Variants in DDI2 observed in about 807,000 individuals in gnomAD.
The protein encoded by DDI2 is protein DDI1 homolog 2.
DDI2 carries 5 observed loss-of-function variants against 48.1 expected under a neutral mutation model. The observed-to-expected ratio is 0.10, with a 90% CI of 0.05 to 0.22. The LOEUF (loss-of-function observed/expected upper bound fraction) is 0.22, where lower values mean the gene tolerates loss of function less well. DDI2 is among the 10% of genes least tolerant of loss of function. The pLI is 1.00. For synonymous variants in DDI2, 205 were observed against 183.6 expected, an observed-to-expected ratio of 1.12 and a Z score of -0.94; for missense variants, 285 against 506.2, an observed-to-expected ratio of 0.56 and a Z score of 4.19.
chr1:15,617,604 C>T lies in DDI2; in HGVS notation c.-67C>T. 1 of 1,250,256 alleles carries T rather than the reference C, an allele frequency of 8.0e-7. No individual in the cohort carries two copies. Among genetic ancestry groups the T allele is most frequent in the African/African-American group, 1.6e-5 (1 of 64,044 alleles). 77.4% of individuals were successfully genotyped at this position (1,250,256 alleles called of 1,614,324 possible). ...CGCAGCACCAGCCAGGCCACGCCGC[C>T]GCCTCTTCCCCTGCGCCCCGCGCCC... On this transcript the variant is annotated 5_prime_UTR_variant, in exon 1 of 10. Transcript: ENST00000480945.
At chr1:15,654,841 A>G (rs1640247380) in intron 8 of DDI2, among the ~76,000 whole-genome samples, 1 of 152,004 alleles carries the variant, frequency 6.6e-6, no homozygotes, top group South Asian at 2.1e-4. Context: ...AATTTGACAT[A>G]GCTCCTTACA....
At chr1:15,626,824 C>G (rs1186486723) in intron 2 of DDI2, 26 bp downstream of exon 2, 1 of 1,613,768 alleles carries the variant, frequency 6.2e-7, no homozygotes, top group Non-Finnish European at 8.5e-7. Context: ...GTTGAGCATC[C>G]CCCAGCAGAA....
rs761723037 is a variant in DDI2, at chr1:15,617,623, C to T, written c.-48C>T. 2.3e-6 allele frequency: 3 copies of T among 1,299,330 alleles called. No individual in the cohort carries two copies. Among genetic ancestry groups the T allele is most frequent in the Non-Finnish European group, 2.9e-6 (3 of 1,017,012 alleles). The allele number at this position is 1,299,330 out of a possible 1,614,324, so 80.5% of individuals were successfully genotyped here. ...CGCCGCCGCCTCTTCCCCTGCGCCC[C>T]GCGCCCAGGCCGGGCCGAGCCGAGC... is the stretch of plus-strand genomic sequence containing the variant. On this transcript the variant is annotated 5_prime_UTR_variant, in exon 1 of 10. Transcript: ENST00000480945.
chr1:15,632,924 TTTTTTTTA>T (rs1173847183), intron 3 of DDI2, among the ~76,000 whole-genome samples: 1 of 129,888 alleles, frequency 7.7e-6, no homozygotes, highest in Admixed American at 7.3e-5. Context: ...TTTTTTTTTT[TTTTTTTTA>T]AAAAAAAAAA....
rs761105934 is a variant in DDI2, at chr1:15,661,565, T to TTCTTCCACCATTGATTTTTCCTGCCAC, written c.*1776_*1802dup. ...AGCCATCCATCATCAAGTCCTGCCATTCTTCCACCATTGATTTTTCCTGCC... is the reference window on the plus strand; with the variant it reads ...AGCCATCCATCATCAAGTCCTGCCATTCTTCCACCATTGATTTTTCCTGCCACTCTTCCACCATTGATTTTTCCTGCC... On this transcript the variant is annotated 3_prime_UTR_variant, in exon 10 of 10. Transcript: ENST00000480945. 1.1e-5 allele frequency: 18 copies of TTCTTCCACCATTGATTTTTCCTGCCAC among 1,614,096 alleles called. No individual in the cohort carries two copies. The South Asian group carries it at 2.0e-4, about 18-fold the overall frequency.
rs1640413932 is a variant in DDI2 at position 15,663,811 on chromosome 1, T to C, written c.*4021T>C. 1 of 152,088 alleles carries C rather than the reference T, an allele frequency of 6.6e-6. No homozygotes were observed. The highest frequency in any genetic ancestry group is 1.5e-5 in the Non-Finnish European group (1 of 68,012). The allele number at this position is 152,088 out of a possible 1,614,324, so 9.4% of individuals were successfully genotyped here. On this transcript the variant is annotated 3_prime_UTR_variant, in exon 10 of 10. Transcript: ENST00000480945. ...CACGGGGTGGGAAGGGTGGGGGAAC[T>C]TACTGATGACAATAGACTCCCTCCT...
chr1:15,651,980 T>G, intron 8 of DDI2, 85 bp downstream of exon 8: 1 of 1,386,384 alleles, frequency 7.2e-7, no homozygotes, highest in Non-Finnish European at 9.5e-7. Context: ...TAGGAACCTT[T>G]CCAGTTTTTA....
At chr1:15,652,650 C>T (rs1640209319) in intron 8 of DDI2, among the ~76,000 whole-genome samples, 1 of 151,786 alleles carries the variant, frequency 6.6e-6, no homozygotes, top group Non-Finnish European at 1.5e-5. Flanking sequence ...GGTGAAACCC[C>T]GTCTCTACTA....
rs1012804560 is a variant in DDI2 at position 15,665,697 on chromosome 1, G to A, written c.*5907G>A. The A allele has an allele frequency of 4.6e-5, 7 of 152,110 alleles. No individual in the cohort carries two copies. Among genetic ancestry groups the A allele is most frequent in the Admixed American group, 4.6e-4 (7 of 15,262 alleles). The allele number at this position is 152,110 out of a possible 1,614,324, so 9.4% of individuals were successfully genotyped here. A position where few individuals can be genotyped will look rare whatever the true frequency, so the allele number is the denominator to read the frequency against. On this transcript the variant is annotated 3_prime_UTR_variant, in exon 10 of 10. Coordinates refer to ENST00000480945, the MANE Select transcript of DDI2 (RefSeq NM_032341.5). Reference sequence around the variant, plus strand: ...ATCTACAGACGTACTCTTCACTTATGGTGGCTTTTATCCCGCCACATATAT... The same window carrying A: ...ATCTACAGACGTACTCTTCACTTATAGTGGCTTTTATCCCGCCACATATAT...
Position 15,659,930 on chromosome 1 carries a change from CTGATGTTGGTAATCCTATGAGTCT to C in DDI2, c.*143_*166del. On this transcript the variant is annotated 3_prime_UTR_variant, in exon 10 of 10. Coordinates refer to ENST00000480945, the MANE Select transcript of DDI2 (RefSeq NM_032341.5). The stretch of plus-strand genomic sequence containing the variant: ...CCCGCCCGTTCTTCAGGACAGAGTC[CTGATGTTGGTAATCCTATGAGTCT>C]TGCTCGCTCTGTCTCTGCTTCAGTC... 1 of 1,613,356 alleles carries C rather than the reference CTGATGTTGGTAATCCTATGAGTCT, an allele frequency of 6.2e-7. No homozygotes were observed. The highest frequency in any genetic ancestry group is 8.5e-7 in the Non-Finnish European group (1 of 1,179,774).
chr1:15,633,882 G>A (rs1260633690), intron 4 of DDI2: 2 of 453,220 alleles, frequency 4.4e-6, no homozygotes, highest in Non-Finnish European at 8.8e-6. Context: ...ACCATCTGGT[G>A]AGACCACAAG....
intron 8 of DDI2, among the ~76,000 whole-genome samples, chr1:15,652,362 T>C (rs1316105211): frequency 1.4e-5 from 2 of 142,610 alleles, no homozygotes; most frequent in East Asian, 4.5e-4. Context: ...CCAAACCCCA[T>C]CTCTTAATAC....
At chr1:15,651,153 C>T (rs1335037574) in intron 7 of DDI2, among the ~76,000 whole-genome samples, 2 of 151,822 alleles carry the variant, frequency 1.3e-5, no homozygotes, top group East Asian at 3.9e-4. Flanking sequence ...ACGCCCGGCT[C>T]ACAGCATTCT....
chr1:15,649,054 C>T lies in DDI2; in HGVS notation c.890-666C>T, dbSNP rs114566392. 8.7e-3 allele frequency among the ~76,000 whole-genome samples: 1,328 copies of T among 151,842 alleles called. 18 individuals carry two copies. The highest frequency in any genetic ancestry group is 0.029 in the African/African-American group (1,216 of 41,434). On this transcript the variant is annotated intron_variant, in intron 6 of 9. Coordinates refer to ENST00000480945, the MANE Select transcript of DDI2 (RefSeq NM_032341.5). Reference sequence around the variant, plus strand: ...TTCAAGACCAGCCTGGTCAATATAGCGAGACTCAATCTCTACAAAAAGTTT... The same window carrying T: ...TTCAAGACCAGCCTGGTCAATATAGTGAGACTCAATCTCTACAAAAAGTTT...
intron 3 of DDI2, among the ~76,000 whole-genome samples, chr1:15,632,498 T>C (rs1639860820): frequency 6.6e-6 from 1 of 151,588 alleles, no homozygotes; most frequent in South Asian, 2.1e-4. Context: ...GCGCCATTGC[T>C]CCCCAGCCTG....
chr1:15,661,281 T>C lies in DDI2; in HGVS notation c.*1491T>C. 2 of 1,614,122 alleles carry C rather than the reference T, an allele frequency of 1.2e-6. No individual in the cohort carries two copies. The highest frequency in any genetic ancestry group is 1.7e-6 in the Non-Finnish European group (2 of 1,180,026). On this transcript the variant is annotated 3_prime_UTR_variant, in exon 10 of 10. Coordinates refer to ENST00000480945, the MANE Select transcript of DDI2 (RefSeq NM_032341.5). Reference sequence around the variant, plus strand: ...CTAGGGAATCCATAAATAAGAACCGTTCTGTCACTGTAACCTCAGCTAAAA... The same window carrying C: ...CTAGGGAATCCATAAATAAGAACCGCTCTGTCACTGTAACCTCAGCTAAAA...
At chr1:15,632,934 A>ATT (rs1557614982) in intron 3 of DDI2, among the ~76,000 whole-genome samples, 2,732 of 102,244 alleles carry the variant, frequency 0.027, 29 homozygotes, top group African/African-American at 0.05. Flanking sequence ...TTTTTTTTAA[A>ATT]AAAAAAAAAA....
At chr1:15,653,560 AT>A (rs1553154873) in intron 8 of DDI2, among the ~76,000 whole-genome samples, 6 of 151,574 alleles carry the variant, frequency 4.0e-5, no homozygotes, top group East Asian at 3.9e-4. Flanking sequence ...TAAAAAAAAA[AT>A]TTTTTTTTGA....
At position 15,668,751 on chromosome 1, in the gene DDI2, A is replaced by G. The variant is rs1640488634; in HGVS notation, c.*8961A>G. Reference sequence around the variant, plus strand: ...TGCCAGTGGCCCTGTCACTCCCATGATGCTTTGGTTTTGAGAGTTGGGAAA... The same window carrying G: ...TGCCAGTGGCCCTGTCACTCCCATGGTGCTTTGGTTTTGAGAGTTGGGAAA... On this transcript the variant is annotated 3_prime_UTR_variant, in exon 10 of 10. Transcript: ENST00000480945. The G allele has an allele frequency of 1.3e-5, 2 of 152,318 alleles. No individual in the cohort carries two copies. Among genetic ancestry groups the G allele is most frequent in the Non-Finnish European group, 2.9e-5 (2 of 68,034 alleles). The allele number at this position is 152,318 out of a possible 1,614,324, so 9.4% of individuals were successfully genotyped here. A position where few individuals can be genotyped will look rare whatever the true frequency, so the allele number is the denominator to read the frequency against.
Sources: gnomAD v4.1 joint callset for allele counts (sites outside exome capture counted in the v4.1 genomes callset) on GRCh38, gnomAD v4.1.1 for gene constraint, MANE v1.5 for transcripts, NCBI Gene and HGNC (gene_info 2026-07-23, HGNC 2026-07-21) for gene names.